LINC01488: variants seen among roughly 807,000 people sequenced by gnomAD.
The protein encoded by LINC01488 is CCND1-upstream intergenic DNA repair 1.
At chr11:69,492,308 C>A (rs934962527) in exon 4 of LINC01488, 1 of 152,196 alleles carries the variant, frequency 6.6e-6, no homozygotes, top group Non-Finnish European at 1.5e-5. Flanking sequence ...AATCGTGCCT[C>A]CCGCAAAGAT....
exon 4 of LINC01488, chr11:69,492,392 G>A (rs1857236977): frequency 6.6e-6 from 1 of 152,306 alleles, no homozygotes; most frequent in South Asian, 2.1e-4. Context: ...TGAAGGTTAA[G>A]GACCCTGAGA....
intron 1 of LINC01488, among the ~76,000 whole-genome samples, chr11:69,489,045 G>T (rs1057465776): frequency 6.6e-6 from 1 of 151,586 alleles, no homozygotes; most frequent in African/African-American, 2.4e-5. Flanking sequence ...TAAGGCTTCA[G>T]AAAGGTAATG....
intron 1 of LINC01488, among the ~76,000 whole-genome samples, chr11:69,487,545 C>T (rs1006105769): frequency 2.6e-5 from 4 of 152,206 alleles, no homozygotes; most frequent in Non-Finnish European, 4.4e-5. Flanking sequence ...GTGTGGTGTC[C>T]ACGTGTGCTG....
exon 3 of LINC01488, chr11:69,491,212 T>C (rs1054294482): frequency 1.3e-5 from 2 of 152,136 alleles, no homozygotes; most frequent in Non-Finnish European, 2.9e-5. Context: ...GGTGAAGGTG[T>C]GGGAGCAGGG....
At chr11:69,483,304 A>T (rs1365306419) in intron 1 of LINC01488, among the ~76,000 whole-genome samples, 1 of 152,162 alleles carries the variant, frequency 6.6e-6, no homozygotes, top group African/African-American at 2.4e-5. Context: ...TCTGGAGCCT[A>T]CAGGTGGAGC....
intron 1 of LINC01488, among the ~76,000 whole-genome samples, chr11:69,488,831 ACCAAGACG>A (rs1857167864): frequency 6.6e-6 from 1 of 152,132 alleles, no homozygotes; most frequent in African/African-American, 2.4e-5. Context: ...CGGGGGCACC[ACCAAGACG>A]CCCAGGCTTG....
chr11:69,488,246 G>A, intron 1 of LINC01488: 1 of 152,520 alleles, frequency 6.6e-6, no homozygotes, highest in Non-Finnish European at 1.5e-5. Flanking sequence ...CCTGAGCACA[G>A]CCACTCACCA....
At chr11:69,483,858 C>G (rs564722963) in intron 1 of LINC01488, among the ~76,000 whole-genome samples, 1 of 152,106 alleles carries the variant, frequency 6.6e-6, no homozygotes, top group South Asian at 2.1e-4. Flanking sequence ...AGACAGCTGC[C>G]GAGGCGGGTG....
At chr11:69,484,935 T>A (rs766565861) in intron 1 of LINC01488, among the ~76,000 whole-genome samples, 2 of 152,260 alleles carry the variant, frequency 1.3e-5, no homozygotes, top group Non-Finnish European at 2.9e-5. Context: ...GCATGTGATT[T>A]ACAATGGTTT....
intron 1 of LINC01488, chr11:69,487,773 T>C (rs1006940844): frequency 3.9e-5 from 6 of 152,132 alleles, no homozygotes; most frequent in African/African-American, 1.2e-4. Flanking sequence ...AGGCAGGTCC[T>C]GGCTCAGGCA....
intron 1 of LINC01488, among the ~76,000 whole-genome samples, chr11:69,484,862 G>A (rs1015317590): frequency 3.3e-5 from 5 of 152,232 alleles, no homozygotes; most frequent in African/African-American, 7.2e-5. Context: ...CCCTGAAGCC[G>A]TCCACAGCAC....
At chr11:69,483,823 G>A (rs1031124352) in intron 1 of LINC01488, among the ~76,000 whole-genome samples, 1 of 152,240 alleles carries the variant, frequency 6.6e-6, no homozygotes, top group Admixed American at 6.5e-5. Flanking sequence ...GGCCCGGGCC[G>A]GCCCGGCTGG....
chr11:69,482,667 A>C (rs1857060069), intron 1 of LINC01488, among the ~76,000 whole-genome samples: 1 of 152,196 alleles, frequency 6.6e-6, no homozygotes, highest in Non-Finnish European at 1.5e-5. Flanking sequence ...GGATGGAAGA[A>C]AGGAAGAGAG....
At position 69,493,188 on chromosome 11, in the gene LINC01488, G is replaced by A. The variant is rs1266981122; in HGVS notation, n.1664G>A. 3.9e-5 allele frequency: 6 copies of A among 152,142 alleles called. No homozygotes were observed. The East Asian group carries it at 1.2e-3, about 29-fold the overall frequency. 9.4% of individuals were successfully genotyped at this position (152,142 alleles called of 1,614,324 possible). On this transcript the variant is annotated non_coding_transcript_exon_variant, in exon 4 of 4. Coordinates refer to ENST00000644563, the Ensembl canonical transcript of LINC01488. ...GTGTCTGCACTATTTCCAAAGCACT[G>A]GAATAAAAGGCATTTTAACCAACAC...
chr11:69,485,271 C>G (rs1857097476), intron 1 of LINC01488, among the ~76,000 whole-genome samples: 1 of 152,182 alleles, frequency 6.6e-6, no homozygotes, highest in Non-Finnish European at 1.5e-5. Context: ...GACCCAGACC[C>G]TTAAGGTTCC....
At chr11:69,485,864 G>C (rs1050169009) in intron 1 of LINC01488, 1 of 152,252 alleles carries the variant, frequency 6.6e-6, no homozygotes, top group Non-Finnish European at 1.5e-5. Context: ...CTGCAGGGGC[G>C]AGGTAGCAGG....
At chr11:69,487,534 C>T (rs776889916) in intron 1 of LINC01488, among the ~76,000 whole-genome samples, 37 of 152,206 alleles carry the variant, frequency 2.4e-4, no homozygotes, top group Admixed American at 1.4e-3. Flanking sequence ...AGGAAGGGGC[C>T]GTGTGGTGTC....
rs532267488 is a variant in LINC01488 at position 69,487,721 on chromosome 11, C to T, written n.123-2774C>T. Among the ~76,000 whole-genome samples the T allele has an allele frequency of 9.2e-5, 14 of 152,266 alleles. No individual in the cohort carries two copies. In the East Asian group the frequency reaches 1.4e-3, roughly 15 times the overall value. On this transcript the variant is annotated intron_variant and non_coding_transcript_variant, in intron 1 of 3. Transcript: ENST00000644563. ...GGTGGGTGTCTCTTGTGGAGGCCCC[C>T]GAGACACTCCTGAGTCCAGGTGGTG...
At chr11:69,482,275 AAC>A in intron 1 of LINC01488, among the ~76,000 whole-genome samples, 1 of 152,298 alleles carries the variant, frequency 6.6e-6, no homozygotes, top group East Asian at 1.9e-4. Flanking sequence ...CTACCATGAG[AAC>A]AGTATGGGGT....
Sources: gnomAD v4.1 joint callset for allele counts (sites outside exome capture counted in the v4.1 genomes callset) on GRCh38, gnomAD v4.1.1 for gene constraint, MANE v1.5 for transcripts, NCBI Gene and HGNC (gene_info 2026-07-23, HGNC 2026-07-21) for gene names.